The following CASD1 variants were observed in gnomAD, a reference collection of about 807,000 sequenced individuals.
CASD1 encodes the protein CAS1 domain sialic acid O acetyltransferase 1.
In CASD1, 41 loss-of-function variants were observed where a neutral mutation model predicts 100.0. The ratio of observed to expected loss-of-function variants is 0.41; its 90% CI spans 0.32 to 0.53. The LOEUF (loss-of-function observed/expected upper bound fraction) is 0.53, where lower values mean the gene tolerates loss of function less well. Among genes scored for constraint, CASD1 ranks in the 20% least tolerant of loss-of-function variants. The pLI is 0.25. For missense variants in CASD1, 774 were observed against 948.7 expected, an observed-to-expected ratio of 0.82 and a Z score of 2.42; for synonymous variants, 321 against 315.6, an observed-to-expected ratio of 1.02 and a Z score of -0.18.
intron 13 of CASD1, among the ~76,000 whole-genome samples, chr7:94,548,535 T>TA (rs967825641): frequency 2.0e-5 from 3 of 151,728 alleles, no homozygotes; most frequent in African/African-American, 7.2e-5. Context: ...TTCTGACACA[T>TA]AGATTTTGAT....
chr7:94,541,318 A>G (rs1795381595), intron 10 of CASD1, among the ~76,000 whole-genome samples: 1 of 151,966 alleles, frequency 6.6e-6, no homozygotes, highest in Admixed American at 6.6e-5. Flanking sequence ...TTTGAATAAA[A>G]TATGTCAAAC....
intron 12 of CASD1, among the ~76,000 whole-genome samples, 176 bp downstream of exon 12, chr7:94,545,877 GTAGT>G (rs1363934931): frequency 1.3e-5 from 2 of 151,990 alleles, no homozygotes; most frequent in Non-Finnish European, 2.9e-5. Context: ...TTACAGCTAA[GTAGT>G]TAAAGTAATA....
chr7:94,543,529 C>T (rs544466707), intron 10 of CASD1, among the ~76,000 whole-genome samples: 5 of 152,078 alleles, frequency 3.3e-5, no homozygotes, highest in African/African-American at 1.2e-4. Context: ...GTGGCGGGTG[C>T]CTTTAGTCCC....
chr7:94,544,040 A>G (rs1473783830), intron 10 of CASD1, among the ~76,000 whole-genome samples: 1 of 152,196 alleles, frequency 6.6e-6, no homozygotes, highest in Non-Finnish European at 1.5e-5. Flanking sequence ...ATGACAGTTA[A>G]TTATAGCTAT....
intron 1 of CASD1, among the ~76,000 whole-genome samples, chr7:94,511,993 T>G (rs1425156169): frequency 6.6e-6 from 1 of 152,164 alleles, no homozygotes; most frequent in Admixed American, 6.5e-5. Context: ...ACCTGGTGAG[T>G]GTACTTGCCC....
the CASD1 span, among the ~76,000 whole-genome samples, chr7:94,565,188 A>G: frequency 6.6e-6 from 1 of 152,020 alleles, no homozygotes; most frequent in South Asian, 2.1e-4. Context: ...CTTATGTGCC[A>G]CTACCTGGCC....
At chr7:94,606,092 G>C in the CASD1 span, among the ~76,000 whole-genome samples, 1 of 152,104 alleles carries the variant, frequency 6.6e-6, no homozygotes, top group Non-Finnish European at 1.5e-5. Flanking sequence ...GCCTCCCAAA[G>C]TGCTGGGATT....
At chr7:94,609,573 C>G in the CASD1 span, among the ~76,000 whole-genome samples, 6 of 152,154 alleles carry the variant, frequency 3.9e-5, no homozygotes, top group Non-Finnish European at 8.8e-5. Context: ...TAACAGACAC[C>G]TCACCATAGA....
At chr7:94,572,202 A>G in the CASD1 span, among the ~76,000 whole-genome samples, 2 of 152,048 alleles carry the variant, frequency 1.3e-5, no homozygotes, top group South Asian at 4.2e-4. Flanking sequence ...CTAAATGTGA[A>G]TGAGATTACA....
At chr7:94,588,854 A>G in the CASD1 span, 1 of 1,020,820 alleles carries the variant, frequency 9.8e-7, no homozygotes, top group Non-Finnish European at 1.5e-6. Context: ...AATCCAGCAC[A>G]ATTCCCCTCC....
chr7:94,543,340 A>G (rs1438244297), intron 10 of CASD1, among the ~76,000 whole-genome samples: 1 of 152,192 alleles, frequency 6.6e-6, no homozygotes, highest in Non-Finnish European at 1.5e-5. Flanking sequence ...TTGAGCACCC[A>G]GCCTCAAAGA....
intron 10 of CASD1, among the ~76,000 whole-genome samples, chr7:94,542,072 A>G (rs1795431339): frequency 6.6e-6 from 1 of 152,198 alleles, no homozygotes; most frequent in South Asian, 2.1e-4. Flanking sequence ...ATTTTGTTTA[A>G]ATGAATTATA....
the CASD1 span, among the ~76,000 whole-genome samples, chr7:94,564,556 A>G: frequency 6.6e-6 from 1 of 152,202 alleles, no homozygotes; most frequent in Non-Finnish European, 1.5e-5. Flanking sequence ...TTTCAAGTAT[A>G]TAAATTCCAA....
At chr7:94,588,829 T>C in the CASD1 span, 1 of 1,363,752 alleles carries the variant, frequency 7.3e-7, no homozygotes, top group Non-Finnish European at 1.0e-6. Flanking sequence ...GGGTAAACTA[T>C]GACCCCAGTC....
At chr7:94,535,705 G>C (rs537182364) in intron 8 of CASD1, among the ~76,000 whole-genome samples, 182 bp downstream of exon 8, 2 of 151,994 alleles carry the variant, frequency 1.3e-5, no homozygotes, top group Admixed American at 6.5e-5. Flanking sequence ...GAATATATAC[G>C]TAAGAGTTTT....
chr7:94,543,016 T>C (rs970782225), intron 10 of CASD1, among the ~76,000 whole-genome samples: 1 of 152,146 alleles, frequency 6.6e-6, no homozygotes, highest in African/African-American at 2.4e-5. Context: ...AAAATTGGAA[T>C]TTTGAACCAG....
chr7:94,512,241 T>C (rs1042810509), intron 1 of CASD1, among the ~76,000 whole-genome samples: 1 of 152,118 alleles, frequency 6.6e-6, no homozygotes, highest in Non-Finnish European at 1.5e-5. Flanking sequence ...TTAACACTCA[T>C]GATAGCTGAT....
chr7:94,618,760 C>G, the CASD1 span: 2 of 1,612,860 alleles, frequency 1.2e-6, no homozygotes, highest in African/African-American at 2.7e-5. Context: ...CTGCTTACCC[C>G]TCCTTCAGGT....
Position 94,535,243 on chromosome 7 carries a change from C to G in CASD1, c.629-66C>G. 7 of 1,188,018 alleles carry G rather than the reference C, an allele frequency of 5.9e-6. No individual in the cohort carries two copies. The South Asian group carries it at 9.0e-5, about 15-fold the overall frequency. 73.6% of individuals were successfully genotyped at this position (1,188,018 alleles called of 1,614,324 possible). ...TATGAAATGTGGAACAGCTAACTTG[C>G]ATGATCACAATTTTTACCAATAGGG... On this transcript the variant is annotated intron_variant, in intron 7 of 17. Transcript: ENST00000297273.
Sources: gnomAD v4.1 joint callset for allele counts (sites outside exome capture counted in the v4.1 genomes callset) on GRCh38, gnomAD v4.1.1 for gene constraint, MANE v1.5 for transcripts, NCBI Gene and HGNC (gene_info 2026-07-23, HGNC 2026-07-21) for gene names.